Variants in CNGB3 observed in about 807,000 individuals in gnomAD.
The protein encoded by CNGB3 is cyclic nucleotide-gated channel beta-3.
CNGB3 carries 86 observed loss-of-function variants against 92.8 expected under a neutral mutation model. The ratio of observed to expected loss-of-function variants is 0.93; its 90% CI spans 0.78 to 1.11. The LOEUF is 1.11. CNGB3 is among the 50% of genes least tolerant of loss of function. The pLI, the probability that CNGB3 is intolerant of heterozygous loss-of-function variation, is 0.00. For missense variants in CNGB3, 1,026 were observed against 956.8 expected (o/e 1.07, Z -0.95); for synonymous variants, 333 against 332.7 (o/e 1.00, Z -0.01).
At chr8:86,710,392 CTT>C (rs760052301) in intron 3 of CNGB3, among the ~76,000 whole-genome samples, 3 of 152,084 alleles carry the variant, frequency 2.0e-5, no homozygotes, top group Non-Finnish European at 4.4e-5. Context: ...CATCTCTACT[CTT>C]TTCCTCTCAC....
chr8:86,658,261 C>T (rs1823557110), intron 6 of CNGB3: 2 of 531,606 alleles, frequency 3.8e-6, no homozygotes, highest in South Asian at 3.7e-5. Flanking sequence ...GCACTGGCCA[C>T]AGCTGAGTTT....
intron 3 of CNGB3, among the ~76,000 whole-genome samples, chr8:86,711,071 T>C (rs1378502524): frequency 1.3e-5 from 2 of 152,200 alleles, no homozygotes; most frequent in Admixed American, 6.5e-5. Context: ...AAATATGTAC[T>C]TCTAGATATT....
At chr8:86,735,179 G>T (rs1418526654) in intron 2 of CNGB3, among the ~76,000 whole-genome samples, 2 of 89,708 alleles carry the variant, frequency 2.2e-5, no homozygotes, top group African/African-American at 4.6e-5. Flanking sequence ...GTCTTGCTGT[G>T]TTGCCCAGGC....
At chr8:86,725,631 T>C (rs1222586892) in intron 3 of CNGB3, among the ~76,000 whole-genome samples, 2 of 152,156 alleles carry the variant, frequency 1.3e-5, no homozygotes, top group African/African-American at 4.8e-5. Context: ...ATTCTCTGTT[T>C]CTGATGCCAA....
At chr8:86,719,912 A>G (rs1410291855) in intron 3 of CNGB3, among the ~76,000 whole-genome samples, 1 of 152,214 alleles carries the variant, frequency 6.6e-6, no homozygotes, top group African/African-American at 2.4e-5. Flanking sequence ...CACCCTTTTC[A>G]ACAAATGGTG....
chr8:86,662,840 C>A (rs951603855), intron 6 of CNGB3, among the ~76,000 whole-genome samples: 2 of 152,140 alleles, frequency 1.3e-5, no homozygotes, highest in African/African-American at 2.4e-5. Flanking sequence ...CGTCTCCGAG[C>A]CTAAATTTTC....
rs533652437 is a variant in CNGB3, at chr8:86,716,785, A to T, written c.338+9746T>A. ...AGAACCTCCTTAAAGCATAAATCTC[A>T]TGCGGTCTATATAACAATAACAATA... On this transcript the variant is annotated intron_variant, in intron 3 of 17. Coordinates refer to ENST00000320005, the MANE Select transcript of CNGB3 (RefSeq NM_019098.5). 1.5e-3 allele frequency among the ~76,000 whole-genome samples: 232 copies of T among 152,308 alleles called. 1 individual carries two copies. The highest frequency in any genetic ancestry group is 0.01 in the South Asian group (50 of 4,828).
In CNGB3 at chr8:86,700,046, G is replaced by A. The variant is rs184279983; in HGVS notation, c.338+26485C>T. Among the ~76,000 whole-genome samples the A allele has an allele frequency of 3.0e-3, 451 of 152,198 alleles. 2 individuals carry two copies. Among genetic ancestry groups the A allele is most frequent in the African/African-American group, 9.5e-3 (396 of 41,510 alleles). Reference sequence around the variant, plus strand: ...TTAACATGTTCAATTTCTTGTTTGAGTAATACAAAGATGCTAAATTGTTAT... The same window carrying A: ...TTAACATGTTCAATTTCTTGTTTGAATAATACAAAGATGCTAAATTGTTAT... On this transcript the variant is annotated intron_variant, in intron 3 of 17. Coordinates refer to ENST00000320005, the MANE Select transcript of CNGB3 (RefSeq NM_019098.5).
intron 10 of CNGB3, among the ~76,000 whole-genome samples, chr8:86,636,307 C>A (rs963553315): frequency 6.6e-6 from 1 of 151,988 alleles, no homozygotes; most frequent in Non-Finnish European, 1.5e-5. Flanking sequence ...CATGGCGGCT[C>A]ACACCTGTAA....
chr8:86,694,654 C>T (rs1413476130), intron 3 of CNGB3, among the ~76,000 whole-genome samples: 2 of 151,702 alleles, frequency 1.3e-5, no homozygotes, highest in Non-Finnish European at 2.9e-5. Context: ...CTCCTCACAT[C>T]CCAGATGGGG....
intron 4 of CNGB3, among the ~76,000 whole-genome samples, chr8:86,668,747 G>A (rs1480261974): frequency 6.6e-6 from 1 of 151,808 alleles, no homozygotes; most frequent in Admixed American, 6.6e-5. Flanking sequence ...ATTCAGGATA[G>A]TGTTTACCTT....
In CNGB3 at chr8:86,659,190, A is replaced by G. The variant is rs1823580326; in HGVS notation, c.853-5128T>C. 1.4e-5 allele frequency: 10 copies of G among 714,464 alleles called. No homozygotes were observed. The East Asian group carries it at 1.5e-4, about 11-fold the overall frequency. 44.3% of individuals were successfully genotyped at this position (714,464 alleles called of 1,614,324 possible). ...CCTCAATGTGTGCACCTGCTCTGAC[A>G]TCGGCTGCATCCTCTGCTACCGCAT... On this transcript the variant is annotated intron_variant, in intron 6 of 17. Coordinates refer to ENST00000320005, the MANE Select transcript of CNGB3 (RefSeq NM_019098.5).
In CNGB3 at chr8:86,575,753, G is replaced by T. The variant is rs189210452; in HGVS notation, c.*51C>A. The T allele has an allele frequency of 6.6e-7, 1 of 1,520,854 alleles. No individual in the cohort carries two copies. The highest frequency in any genetic ancestry group is 1.1e-5 in the South Asian group (1 of 88,128). 94.2% of individuals were successfully genotyped at this position (1,520,854 alleles called of 1,614,324 possible). A position where few individuals can be genotyped will look rare whatever the true frequency, so the allele number is the denominator to read the frequency against. ...TCGTTAATTTAAGTTACAATCCTAG[G>T]TACAATCACTTTGGGAACTAGCTAT... is the stretch of plus-strand genomic sequence containing the variant. On this transcript the variant is annotated 3_prime_UTR_variant, in exon 18 of 18. Coordinates refer to ENST00000320005, the MANE Select transcript of CNGB3 (RefSeq NM_019098.5).
intron 3 of CNGB3, among the ~76,000 whole-genome samples, chr8:86,678,058 A>G (rs994612368): frequency 6.6e-6 from 1 of 152,160 alleles, no homozygotes; most frequent in African/African-American, 2.4e-5. Context: ...TTGTTGAATA[A>G]CAGGCAGGAA....
At chr8:86,673,078 A>G (rs934810825) in intron 3 of CNGB3, among the ~76,000 whole-genome samples, 8 of 152,222 alleles carry the variant, frequency 5.3e-5, no homozygotes, top group African/African-American at 1.7e-4. Flanking sequence ...TCCATCAAGC[A>G]GTTATTGAGT....
chr8:86,667,060 G>A lies in CNGB3; in HGVS notation c.717C>T (p.Arg239=), dbSNP rs369715877. The change falls in exon 6 of 18, where the codon CGC becomes CGT. Residue 239 remains arginine (R), a synonymous_variant. Coordinates refer to ENST00000320005, the MANE Select transcript of CNGB3 (RefSeq NM_019098.5). ...YNWNCCFIPL[R]LVFPYQTADN... ...CTGCGGTTTGATATGGGAAGACGAGGCGCAGTGGTATAAAACAGCAGTTCC... is the reference window on the plus strand; with the variant it reads ...CTGCGGTTTGATATGGGAAGACGAGACGCAGTGGTATAAAACAGCAGTTCC... The A allele has an allele frequency of 4.3e-6, 7 of 1,613,968 alleles. No individual in the cohort carries two copies. The highest frequency in any genetic ancestry group is 5.9e-6 in the Non-Finnish European group (7 of 1,179,988).
At chr8:86,621,123 T>A (rs1822718270) in intron 13 of CNGB3, among the ~76,000 whole-genome samples, 1 of 152,218 alleles carries the variant, frequency 6.6e-6, no homozygotes, top group South Asian at 2.1e-4. Context: ...AAAAAACTGA[T>A]ATCTTCTCAA....
intron 8 of CNGB3, among the ~76,000 whole-genome samples, chr8:86,645,149 C>A (rs1411628741): frequency 6.6e-6 from 1 of 151,254 alleles, no homozygotes; most frequent in African/African-American, 2.4e-5. Context: ...TTTGTTTAAA[C>A]AAAATTTAAA....
chr8:86,728,918 G>C lies in CNGB3; in HGVS notation c.212-2261C>G, dbSNP rs531123028. 1.5e-4 allele frequency among the ~76,000 whole-genome samples: 23 copies of C among 152,146 alleles called. No homozygotes were observed. The South Asian group carries it at 4.8e-3, about 32-fold the overall frequency. ...TCTTAAAGGCTTTTATTGGCTATGG[G>C]TTTTTGTTTTGAGACATGGTCTCAC... On this transcript the variant is annotated intron_variant, in intron 2 of 17. Coordinates refer to ENST00000320005, the MANE Select transcript of CNGB3 (RefSeq NM_019098.5).
Sources: allele counts gnomAD v4.1 joint callset (sites outside exome capture counted in the v4.1 genomes callset), GRCh38; gene constraint gnomAD v4.1.1; transcripts MANE v1.5; gene names NCBI Gene and HGNC (gene_info 2026-07-23, HGNC 2026-07-21).